PCDHA1: variants seen among roughly 807,000 people sequenced by gnomAD.
The protein encoded by PCDHA1 is protocadherin alpha-1.
In PCDHA1, 42 loss-of-function variants were observed where a neutral mutation model predicts 61.3. The observed-to-expected ratio is 0.69, with a 90% CI of 0.54 to 0.89. The LOEUF is 0.89. PCDHA1 is among the 40% of genes least tolerant of loss of function. PCDHA1 has a pLI of 0.00. For missense variants in PCDHA1, 1,256 were observed against 1,235.3 expected (o/e 1.02, Z -0.25); for synonymous variants, 610 against 553.8 (o/e 1.10, Z -1.43).
intron 1 of PCDHA1, among the ~76,000 whole-genome samples, chr5:140,905,415 C>A (rs2071821709): frequency 6.6e-6 from 1 of 152,128 alleles, no homozygotes; most frequent in Non-Finnish European, 1.5e-5. Context: ...ATACCAGTAC[C>A]ATGCTGGTTT....
chr5:140,822,213 G>T lies in PCDHA1; in HGVS notation c.2394+33529G>T, dbSNP rs2150114567. The T allele has an allele frequency of 2.1e-3, 3,442 of 1,614,222 alleles. 3 individuals are homozygous for T. The highest frequency in any genetic ancestry group is 2.7e-3 in the Non-Finnish European group (3,134 of 1,180,036). ...GATTATTCATTTTAGAGTCAAGAAT[G>T]CCAGATTCGCGGTTTCCGCTAGAGG... On this transcript the variant is annotated intron_variant, in intron 1 of 3. Coordinates refer to ENST00000504120, the MANE Select transcript of PCDHA1 (RefSeq NM_018900.4).
chr5:140,877,706 T>TG (rs781796819), intron 1 of PCDHA1: 16 of 1,613,800 alleles, frequency 9.9e-6, no homozygotes, highest in Non-Finnish European at 1.4e-5. Context: ...TCCAGCGCCG[T>TG]GGGGAGTTGG....
chr5:140,904,912 T>C (rs2071465626), intron 1 of PCDHA1, among the ~76,000 whole-genome samples: 1 of 152,236 alleles, frequency 6.6e-6, no homozygotes, highest in Non-Finnish European at 1.5e-5. Flanking sequence ...TACTGATTTG[T>C]TTGACTTCCT....
Position 140,850,531 on chromosome 5 carries a change from C to T in PCDHA1, c.2394+61847C>T, listed in dbSNP as rs2150488289. 32 of 1,598,158 alleles carry T rather than the reference C, an allele frequency of 2.0e-5. 1 individual carries two copies. The East Asian group carries it at 2.5e-4, about 12-fold the overall frequency. On this transcript the variant is annotated intron_variant, in intron 1 of 3. Coordinates refer to ENST00000504120, the MANE Select transcript of PCDHA1 (RefSeq NM_018900.4). ...GAGAGCGGCCAGGCGCCAAAGTCAT[C>T]GTCGCGGGCGTCAGTGGGTGCCACG...
At chr5:140,883,932 T>A (rs1554180637) in intron 1 of PCDHA1, 2 of 1,613,418 alleles carry the variant, frequency 1.2e-6, no homozygotes. Context: ...CAGGTGTTCG[T>A]GCTGGACGAG....
At chr5:140,845,376 G>A (rs1779847129) in intron 1 of PCDHA1, among the ~76,000 whole-genome samples, 1 of 149,336 alleles carries the variant, frequency 6.7e-6, no homozygotes, top group Non-Finnish European at 1.5e-5. Context: ...ATCATAAATA[G>A]GAGGATTCTT....
intron 1 of PCDHA1, among the ~76,000 whole-genome samples, chr5:140,789,127 A>G (rs571687885): frequency 4.9e-4 from 74 of 152,360 alleles, no homozygotes; most frequent in African/African-American, 1.7e-3. Context: ...GTGAACAATA[A>G]ACTGAAGTTT....
chr5:140,857,951 G>A (rs569786768), intron 1 of PCDHA1: 8 of 1,597,390 alleles, frequency 5.0e-6, no homozygotes, highest in East Asian at 4.5e-5. Flanking sequence ...TACGACGCGC[G>A]CTCTGGATGA....
At chr5:140,801,812 T>C in intron 1 of PCDHA1, 1 of 1,614,112 alleles carries the variant, frequency 6.2e-7, no homozygotes, top group Non-Finnish European at 8.5e-7. Flanking sequence ...GAGAGGACAC[T>C]CCTAAGCATT....
chr5:140,911,915 G>A (rs553932242), intron 1 of PCDHA1, among the ~76,000 whole-genome samples: 3 of 152,226 alleles, frequency 2.0e-5, no homozygotes, highest in African/African-American at 7.2e-5. Flanking sequence ...CTCTCTAGAG[G>A]ACAGAACTAA....
intron 1 of PCDHA1, among the ~76,000 whole-genome samples, chr5:140,894,550 T>C (rs943231588): frequency 3.3e-5 from 5 of 151,996 alleles, no homozygotes; most frequent in Non-Finnish European, 5.9e-5. Context: ...TAGTGTTTAC[T>C]TCTGAAAAAA....
intron 3 of PCDHA1, among the ~76,000 whole-genome samples, chr5:141,000,961 C>A (rs1207814885): frequency 6.6e-6 from 1 of 151,948 alleles, no homozygotes; most frequent in Non-Finnish European, 1.5e-5. Flanking sequence ...GTAATTTAAG[C>A]CTTCATATTC....
At position 140,863,585 on chromosome 5, in the gene PCDHA1, A is replaced by G. The variant is rs1365017699; in HGVS notation, c.2394+74901A>G. ...GAGAATATAAGTACTGTAATCCTGG[A>G]AAGTATTTCATTCCTATTAATGTCC... On this transcript the variant is annotated intron_variant, in intron 1 of 3. Coordinates refer to ENST00000504120, the MANE Select transcript of PCDHA1 (RefSeq NM_018900.4). The G allele has an allele frequency of 3.6e-5, 13 of 361,228 alleles. No homozygotes were observed. The East Asian group carries it at 7.6e-4, about 21-fold the overall frequency. The allele number at this position is 361,228 out of a possible 1,614,324, so 22.4% of individuals were successfully genotyped here.
intron 1 of PCDHA1, chr5:140,927,103 C>T: frequency 6.2e-7 from 1 of 1,613,768 alleles, no homozygotes; most frequent in Non-Finnish European, 8.5e-7. Flanking sequence ...GGTGGATCTA[C>T]CCAGCGGCAA....
chr5:140,916,692 C>T (rs968252842), intron 1 of PCDHA1, among the ~76,000 whole-genome samples: 47 of 152,270 alleles, frequency 3.1e-4, no homozygotes, highest in African/African-American at 1.0e-3. Flanking sequence ...TCTTTTCTCT[C>T]CTCTCCTTAA....
chr5:140,796,135 C>T, intron 1 of PCDHA1: 11 of 1,614,222 alleles, frequency 6.8e-6, no homozygotes, highest in Non-Finnish European at 9.3e-6. Flanking sequence ...CTCCCTGACG[C>T]CCCACGTCCC....
chr5:140,851,932 TGTA>T lies in PCDHA1; in HGVS notation c.2394+63252_2394+63254del. ...TCACTACATGTTATGTTTCCTGAAT[TGTA>T]GTATGTGACTTTCAAAATGGTGGTT... On this transcript the variant is annotated intron_variant, in intron 1 of 3. Transcript: ENST00000504120. 5.2e-6 allele frequency: 5 copies of T among 965,638 alleles called. 1 individual carries two copies. The highest frequency in any genetic ancestry group is 5.0e-6 in the Non-Finnish European group (4 of 798,866). The allele number at this position is 965,638 out of a possible 1,614,324, so 59.8% of individuals were successfully genotyped here. A position where few individuals can be genotyped will look rare whatever the true frequency, so the allele number is the denominator to read the frequency against.
At chr5:140,813,872 A>G (rs1362049525) in intron 1 of PCDHA1, 3 of 152,298 alleles carry the variant, frequency 2.0e-5, no homozygotes, top group African/African-American at 7.2e-5. Context: ...GGTGACACAC[A>G]CTTGTAGTTC....
At chr5:140,850,115 G>A (rs2150468444) in intron 1 of PCDHA1, 17 of 1,595,978 alleles carry the variant, frequency 1.1e-5, no homozygotes, top group Non-Finnish European at 1.5e-5. Flanking sequence ...CGCGCGACGC[G>A]GGCGTGCCGC....
Sources: gnomAD v4.1 joint callset for allele counts (sites outside exome capture counted in the v4.1 genomes callset) on GRCh38, gnomAD v4.1.1 for gene constraint, MANE v1.5 for transcripts, NCBI Gene and HGNC (gene_info 2026-07-23, HGNC 2026-07-21) for gene names.